ERG: variants seen among roughly 807,000 people sequenced by gnomAD.
ERG encodes the protein ETS transcription factor ERG, also known as transcriptional regulator ERG.
Under a neutral mutation model 55.3 loss-of-function variants are expected in ERG, and 9 were observed. The observed-to-expected ratio is 0.16, with a 90% CI of 0.10 to 0.28. ERG has a LOEUF of 0.28. Among genes scored for constraint, ERG ranks in the 10% least tolerant of loss-of-function variants. ERG has a pLI of 1.00. For synonymous variants in ERG, 223 were observed against 237.3 expected (o/e 0.94, Z 0.55); for missense variants, 434 against 631.6 (o/e 0.69, Z 3.35).
downstream of ERG, among the ~76,000 whole-genome samples, chr21:38,376,512 T>G (rs1247987494): frequency 3.3e-5 from 5 of 152,256 alleles, no homozygotes; most frequent in Admixed American, 6.5e-5. Flanking sequence ...AGTGCTGGTC[T>G]GCCCACTGCA....
chr21:38,437,293 G>A lies in ERG; in HGVS notation c.236+8111C>T, dbSNP rs1465477364. On this transcript the variant is annotated intron_variant, in intron 2 of 9. Transcript: ENST00000288319. ...GTTTCCTGCAGCATTTGTCAACTTCGACACTAGTGCCACTCGGAGCCAGGT... is the reference window on the plus strand; with the variant it reads ...GTTTCCTGCAGCATTTGTCAACTTCAACACTAGTGCCACTCGGAGCCAGGT... Among the ~76,000 whole-genome samples the A allele has an allele frequency of 3.3e-5, 5 of 151,904 alleles. No individual in the cohort carries two copies. The East Asian group carries it at 9.7e-4, about 30-fold the overall frequency.
chr21:38,621,754 G>C lies in ERG; in HGVS notation c.-149-36809C>G, dbSNP rs571365938. On this transcript the variant is annotated intron_variant, in intron 1 of 10. Transcript: ENST00000398910. ...ATATCAGGCCACCAAGCCTAAGAGA[G>C]TTCCAGATGGCTATGCAAGTTCAGC... 1.4e-4 allele frequency among the ~76,000 whole-genome samples: 22 copies of C among 152,270 alleles called. 1 individual carries two copies. The South Asian group carries it at 4.6e-3, about 32-fold the overall frequency.
intron 2 of ERG, among the ~76,000 whole-genome samples, chr21:38,525,763 G>A (rs2059626017): frequency 2.0e-5 from 3 of 152,208 alleles, no homozygotes; most frequent in African/African-American, 4.8e-5. Flanking sequence ...CAGAAAAGAG[G>A]AAGAAAGCAA....
intron 2 of ERG, among the ~76,000 whole-genome samples, chr21:38,573,860 T>C (rs906780209): frequency 2.6e-5 from 4 of 152,200 alleles, no homozygotes; most frequent in African/African-American, 4.8e-5. Context: ...CCCACAGTTG[T>C]GGAGGGGAAG....
At chr21:38,387,071 A>AG (rs1987723739) in intron 9 of ERG, among the ~76,000 whole-genome samples, 2 of 150,808 alleles carry the variant, frequency 1.3e-5, no homozygotes, top group African/African-American at 2.5e-5. Context: ...TGAGCAAAAA[A>AG]GGGGGAAAAA....
At chr21:38,552,256 A>G (rs914850660) in intron 2 of ERG, among the ~76,000 whole-genome samples, 1 of 152,186 alleles carries the variant, frequency 6.6e-6, no homozygotes, top group Non-Finnish European at 1.5e-5. Flanking sequence ...CCAGATGTAT[A>G]ACAAAGAGCT....
intron 1 of ERG, among the ~76,000 whole-genome samples, chr21:38,477,763 C>T (rs2059202176): frequency 6.6e-6 from 1 of 151,992 alleles, no homozygotes; most frequent in Non-Finnish European, 1.5e-5. Context: ...ACACAATATG[C>T]CTAGCATTTA....
At chr21:38,607,231 G>T (rs550551101) in intron 1 of ERG, among the ~76,000 whole-genome samples, 67 of 152,224 alleles carry the variant, frequency 4.4e-4, no homozygotes, top group African/African-American at 7.5e-4. Flanking sequence ...GAAATGTTGA[G>T]GGAAAGACCA....
chr21:38,458,226 C>A (rs957586271), intron 1 of ERG, among the ~76,000 whole-genome samples: 4 of 152,008 alleles, frequency 2.6e-5, no homozygotes, highest in African/African-American at 9.7e-5. Flanking sequence ...GAGTTCGAGA[C>A]CAGCCTGGCC....
chr21:38,402,458 G>C, intron 5 of ERG, 99 bp downstream of exon 5: 1 of 825,340 alleles, frequency 1.2e-6, no homozygotes, highest in South Asian at 1.5e-5. Flanking sequence ...CCTGCGTTCT[G>C]TCTTCCTGGC....
chr21:38,483,918 G>A (rs1370402968), intron 1 of ERG, among the ~76,000 whole-genome samples: 1 of 152,048 alleles, frequency 6.6e-6, no homozygotes, highest in African/African-American at 2.4e-5. Flanking sequence ...TTTTAATATA[G>A]GGTGCCAGCC....
At chr21:38,638,561 G>T in intron 1 of ERG, among the ~76,000 whole-genome samples, 1 of 152,242 alleles carries the variant, frequency 6.6e-6, no homozygotes, top group East Asian at 1.9e-4. Context: ...AGAGACAACA[G>T]CCTGTGGAAG....
chr21:38,526,316 G>A (rs929184833), intron 2 of ERG, among the ~76,000 whole-genome samples: 7 of 152,164 alleles, frequency 4.6e-5, no homozygotes, highest in Admixed American at 6.6e-5. Context: ...CCCCTAAGTA[G>A]TCCGTTTCTA....
intron 1 of ERG, among the ~76,000 whole-genome samples, chr21:38,634,607 A>C (rs1222718766): frequency 2.0e-5 from 3 of 152,242 alleles, no homozygotes; most frequent in Admixed American, 2.0e-4. Context: ...GGGTGACTTC[A>C]GGACAGAATG....
chr21:38,537,062 CTT>C (rs1230769215), intron 2 of ERG, among the ~76,000 whole-genome samples: 1 of 152,092 alleles, frequency 6.6e-6, no homozygotes, highest in Non-Finnish European at 1.5e-5. Flanking sequence ...AAAAAGGAGT[CTT>C]TTCAACAACT....
chr21:38,423,158 G>A (rs572789313), intron 3 of ERG, among the ~76,000 whole-genome samples: 2 of 151,614 alleles, frequency 1.3e-5, no homozygotes, highest in East Asian at 3.9e-4. Context: ...AAGAGCTGGG[G>A]CTACATACTG....
intron 3 of ERG, among the ~76,000 whole-genome samples, chr21:38,418,927 C>CAAAAAAAAAAAAA (rs35001409): frequency 7.4e-5 from 6 of 80,916 alleles, no homozygotes; most frequent in Non-Finnish European, 9.7e-5. Flanking sequence ...GACTTTGTCT[C>CAAAAAAAAAAAAA]AAAAAAAAAA....
chr21:38,529,794 G>A (rs549033464), intron 2 of ERG, among the ~76,000 whole-genome samples: 2 of 152,014 alleles, frequency 1.3e-5, no homozygotes, highest in East Asian at 2.0e-4. Flanking sequence ...GTGTTACCCC[G>A]TCTGTATTAA....
intron 2 of ERG, among the ~76,000 whole-genome samples, chr21:38,557,128 G>C (rs553184995): frequency 2.0e-5 from 3 of 152,282 alleles, no homozygotes; most frequent in Admixed American, 6.5e-5. Context: ...GTGTACTCAG[G>C]AAGAGAAAGT....
Sources: allele counts gnomAD v4.1 joint callset (sites outside exome capture counted in the v4.1 genomes callset), GRCh38; gene constraint gnomAD v4.1.1; transcripts MANE v1.5; gene names NCBI Gene and HGNC (gene_info 2026-07-23, HGNC 2026-07-21).